Variants in BRD1 observed in about 807,000 individuals in gnomAD.
The protein encoded by BRD1 is bromodomain-containing protein 1.
Under a neutral mutation model 107.7 loss-of-function variants are expected in BRD1, and 24 were observed. That is an observed-to-expected ratio of 0.22 (90% CI 0.16 to 0.31). The LOEUF (loss-of-function observed/expected upper bound fraction) is 0.31, where lower values mean the gene tolerates loss of function less well. BRD1 is among the 10% of genes least tolerant of loss of function. BRD1 has a pLI of 1.00. For synonymous variants in BRD1, 744 were observed against 686.1 expected, an observed-to-expected ratio of 1.08 and a Z score of -1.32; for missense variants, 1,279 against 1,638.6, an observed-to-expected ratio of 0.78 and a Z score of 3.79.
At chr22:49,775,958 G>C (rs1393166484) in intron 11 of BRD1, 92 bp downstream of exon 11, 120 of 989,930 alleles carry the variant, frequency 1.2e-4, no homozygotes, top group Non-Finnish European at 1.6e-4. Context: ...GAACCTCCTT[G>C]GACCACCGCC....
intron 2 of BRD1, 111 bp downstream of exon 2, chr22:49,822,840 C>G (rs2060094620): frequency 2.8e-5 from 36 of 1,301,896 alleles, no homozygotes; most frequent in Non-Finnish European, 3.4e-5. Context: ...GGAAGCTGCG[C>G]CAACTAGAAA....
intron 12 of BRD1, among the ~76,000 whole-genome samples, chr22:49,774,868 G>A (rs1179060253): frequency 6.6e-6 from 1 of 152,266 alleles, no homozygotes; most frequent in African/African-American, 2.4e-5. Context: ...GGAAGAGAAA[G>A]ACGGTAGGGA....
chr22:49,813,587 C>T (rs535669657), intron 2 of BRD1, among the ~76,000 whole-genome samples: 1 of 150,696 alleles, frequency 6.6e-6, no homozygotes, highest in Non-Finnish European at 1.5e-5. Context: ...AATCCCAGCA[C>T]TTTGAGAGGC....
At chr22:49,819,310 G>C (rs2060017682) in intron 2 of BRD1, among the ~76,000 whole-genome samples, 1 of 151,808 alleles carries the variant, frequency 6.6e-6, no homozygotes, top group Non-Finnish European at 1.5e-5. Context: ...ATCAATGTAA[G>C]GCCAGGCATG....
At position 49,824,774 on chromosome 22, in the gene BRD1, C is replaced by T. The variant is rs1455447983; in HGVS notation, c.-14-443G>A. The T allele has an allele frequency of 8.8e-6, 9 of 1,023,626 alleles. No homozygotes were observed. The African/African-American group carries it at 1.5e-4, about 17-fold the overall frequency. The allele number at this position is 1,023,626 out of a possible 1,614,324, so 63.4% of individuals were successfully genotyped here. A position where few individuals can be genotyped will look rare whatever the true frequency, so the allele number is the denominator to read the frequency against. On this transcript the variant is annotated intron_variant, in intron 1 of 12. Coordinates refer to ENST00000404760, the MANE Select transcript of BRD1 (RefSeq NM_001304808.3). This position sits in a 1 kb window ranked among gnomAD's most constrained non-coding sequence, Gnocchi z 5.9. ...ACAGAGGCTATGCCCACCAGACAGG[C>T]ATGCTCAGTGGCTACCTGGTCCTAT...
Position 49,823,371 on chromosome 22 carries a change from C to T in BRD1, c.947G>A (p.Arg316Lys). 2 of 1,614,014 alleles carry T rather than the reference C, an allele frequency of 1.2e-6. No individual in the cohort carries two copies. Among genetic ancestry groups the T allele is most frequent in the Non-Finnish European group, 1.7e-6 (2 of 1,180,036 alleles). The change falls in exon 2 of 13, where the codon AGG (arginine) becomes AAG (lysine). Residue 316 changes from arginine (R) to lysine (K), a missense_variant. Transcript: ENST00000404760. ...TVFIEPIDGV[R>K]NIPPARWKLT... Reference sequence around the variant, plus strand: ...TTTCCACCGGGCTGGAGGGATGTTCCTCACCCCATCGATGGGCTCGATGAA... The same window carrying T: ...TTTCCACCGGGCTGGAGGGATGTTCTTCACCCCATCGATGGGCTCGATGAA...
In BRD1 at chr22:49,777,519, G is replaced by A. The variant is rs79938483; in HGVS notation, c.2993+159C>T. 1.0e-2 allele frequency among the ~76,000 whole-genome samples: 1,522 copies of A among 152,320 alleles called. 16 individuals carry two copies. The highest frequency in any genetic ancestry group is 0.015 in the Non-Finnish European group (1,013 of 68,038). ...ATAAAGCAGATTAATATGCAGCATG[G>A]GAAACTGTCCACAAGGGCAGAGCAC... On this transcript the variant is annotated intron_variant, in intron 9 of 12. Coordinates refer to ENST00000404760, the MANE Select transcript of BRD1 (RefSeq NM_001304808.3).
At chr22:49,775,110 T>TG (rs1236955814) in intron 12 of BRD1, among the ~76,000 whole-genome samples, 1 of 152,124 alleles carries the variant, frequency 6.6e-6, no homozygotes, top group Non-Finnish European at 1.5e-5. Context: ...CCAGACGCTC[T>TG]GGGGAAAAGC....
chr22:49,822,390 C>T (rs921399692), intron 2 of BRD1, among the ~76,000 whole-genome samples: 5 of 151,610 alleles, frequency 3.3e-5, no homozygotes, highest in African/African-American at 1.2e-4. Context: ...TGCCACTACA[C>T]TCCAGCCTGG....
Position 49,824,288 on chromosome 22 carries a change from G to A in BRD1, c.30C>T (p.Gly10=), listed in dbSNP as rs1601756880. ...GGGAAGAAGGATGCCTCGCTGCAGA[G>A]CCTCGATGACATCGTCCTTTCCTCC... The part of the protein sequence containing the change: MRRKGRCHR[G]SAARHPSSPC... Residue 10 remains glycine (G), a synonymous_variant, in exon 2 of 13, where the codon GGC becomes GGT. Coordinates refer to ENST00000404760, the MANE Select transcript of BRD1 (RefSeq NM_001304808.3). This position sits in a 1 kb window ranked among gnomAD's most constrained non-coding sequence, Gnocchi z 5.9. The A allele has an allele frequency of 1.2e-6, 2 of 1,613,850 alleles. No homozygotes were observed. The highest frequency in any genetic ancestry group is 2.2e-5 in the East Asian group (1 of 44,878).
intron 8 of BRD1, among the ~76,000 whole-genome samples, chr22:49,780,572 C>G (rs1601610128): frequency 6.6e-6 from 1 of 152,126 alleles, no homozygotes; most frequent in African/African-American, 2.4e-5. Context: ...AGGACACAGA[C>G]ACATCCCGGG....
At chr22:49,793,921 C>G in intron 7 of BRD1, 113 bp downstream of exon 7, 1 of 1,429,576 alleles carries the variant, frequency 7.0e-7, no homozygotes, top group Non-Finnish European at 9.3e-7. Context: ...TGGCGCTAAC[C>G]TGAGCCTCCG....
rs2059025817 is a variant in BRD1, at chr22:49,773,369, A to G, written c.*864T>C. ...CCCAACATAATGCTTTACCTCTTAA[A>G]AATAAAAATAAAGTACTAATTCTAT... On this transcript the variant is annotated 3_prime_UTR_variant, in exon 13 of 13. Transcript: ENST00000404760. The G allele has an allele frequency of 1.3e-5, 2 of 151,714 alleles. No individual in the cohort carries two copies. Among genetic ancestry groups the G allele is most frequent in the African/African-American group, 4.8e-5 (2 of 41,408 alleles). 9.4% of individuals were successfully genotyped at this position (151,714 alleles called of 1,614,324 possible).
At chr22:49,778,714 T>G (rs937818976) in intron 8 of BRD1, among the ~76,000 whole-genome samples, 1 of 152,050 alleles carries the variant, frequency 6.6e-6, no homozygotes, top group African/African-American at 2.4e-5. Flanking sequence ...CAGGCTGGAG[T>G]GCAGTGGCAC....
intron 2 of BRD1, among the ~76,000 whole-genome samples, chr22:49,809,565 A>G (rs962299665): frequency 1.3e-5 from 2 of 151,612 alleles, no homozygotes; most frequent in East Asian, 1.9e-4. Flanking sequence ...ATATATATAT[A>G]TATGTAATTC....
Position 49,822,480 on chromosome 22 carries a change from G to A in BRD1, c.1367+471C>T, listed in dbSNP as rs146337223. ...TCCAGCACTTTGGGAAGCCAAGGCG[G>A]GCAGATCACTTGAGGTCAGGCGTTT... On this transcript the variant is annotated intron_variant, in intron 2 of 12. Coordinates refer to ENST00000404760, the MANE Select transcript of BRD1 (RefSeq NM_001304808.3). 5.3e-3 allele frequency among the ~76,000 whole-genome samples: 802 copies of A among 151,708 alleles called. 2 individuals carry two copies. Among genetic ancestry groups the A allele is most frequent in the African/African-American group, 0.018 (747 of 41,326 alleles).
In BRD1 at chr22:49,792,466, G is replaced by A. The variant is rs542535751; in HGVS notation, c.2359+1568C>T. ...ATGGGGCGGCCCAGGGCCCGGACAG[G>A]TATGGCTGCCAGAGGGTCCTGTAGG... is the stretch of plus-strand genomic sequence containing the variant. On this transcript the variant is annotated intron_variant, in intron 7 of 12. Coordinates refer to ENST00000404760, the MANE Select transcript of BRD1 (RefSeq NM_001304808.3). This position sits in a 1 kb window ranked among gnomAD's most constrained non-coding sequence, Gnocchi z 4.2. Among the ~76,000 whole-genome samples the A allele has an allele frequency of 1.3e-4, 20 of 152,332 alleles. No homozygotes were observed. The East Asian group carries it at 3.9e-3, about 29-fold the overall frequency.
At chr22:49,784,437 G>A (rs1023324682) in intron 8 of BRD1, among the ~76,000 whole-genome samples, 1 of 152,240 alleles carries the variant, frequency 6.6e-6, no homozygotes, top group Non-Finnish European at 1.5e-5. Context: ...TGCAGTCACG[G>A]AGGAAGGAAG....
intron 2 of BRD1, among the ~76,000 whole-genome samples, chr22:49,822,566 C>T (rs1485066476): frequency 6.7e-6 from 1 of 149,412 alleles, no homozygotes; most frequent in Non-Finnish European, 1.5e-5. Flanking sequence ...AAAAATTTGT[C>T]GGGCATGGTG....
Sources: allele counts gnomAD v4.1 joint callset (sites outside exome capture counted in the v4.1 genomes callset), GRCh38; gene constraint gnomAD v4.1.1; non-coding constraint Gnocchi (gnomAD v3.1); transcripts MANE v1.5; gene names NCBI Gene and HGNC (gene_info 2026-07-23, HGNC 2026-07-21).